NUDCD2: variants seen among roughly 807,000 people sequenced by gnomAD.
NUDCD2 encodes the protein NudC domain containing 2.
A neutral mutation model predicts 20.8 loss-of-function variants in NUDCD2; 16 were observed. That is an observed-to-expected ratio of 0.77 (90% CI 0.52 to 1.17). The LOEUF (loss-of-function observed/expected upper bound fraction) is 1.17. Among genes scored for constraint, NUDCD2 ranks in the 50% most tolerant of loss-of-function variants. NUDCD2 has a pLI of 0.00. For missense variants in NUDCD2, 199 were observed against 193.9 expected, an observed-to-expected ratio of 1.03 and a Z score of -0.16; for synonymous variants, 87 against 72.8, an observed-to-expected ratio of 1.20 and a Z score of -1.00.
intron 3 of NUDCD2, among the ~76,000 whole-genome samples, chr5:163,455,683 G>C (rs1032757552): frequency 6.6e-6 from 1 of 150,962 alleles, no homozygotes; most frequent in Non-Finnish European, 1.5e-5. Flanking sequence ...AGACTGGCGG[G>C]AATCCGGGAG....
rs1255220104 is a variant in NUDCD2 at position 163,452,145 on chromosome 5, A to T, written c.*1822T>A. 1 of 152,110 alleles carries T rather than the reference A, an allele frequency of 6.6e-6. No individual in the cohort carries two copies. The highest frequency in any genetic ancestry group is 2.4e-5 in the African/African-American group (1 of 41,402). 9.4% of individuals were successfully genotyped at this position (152,110 alleles called of 1,614,324 possible). ...TAAATGTGGAGAAGGAAAAAATGAA[A>T]ATGAAGCCCATGGGATCAGAATTTA... On this transcript the variant is annotated 3_prime_UTR_variant, in exon 4 of 4. Transcript: ENST00000302764.
At chr5:163,459,706 C>CG (rs1022982054) in intron 1 of NUDCD2, 156 bp downstream of exon 1, 12 of 539,980 alleles carry the variant, frequency 2.2e-5, no homozygotes, top group Non-Finnish European at 3.5e-5. Flanking sequence ...CCTGAAGAGG[C>CG]GGGGGCTCTG....
Position 163,447,937 on chromosome 5 carries a change from C to T in NUDCD2, c.*6030G>A, listed in dbSNP as rs553346657. 2 of 150,414 alleles carry T rather than the reference C, an allele frequency of 1.3e-5. No homozygotes were observed. Among genetic ancestry groups the T allele is most frequent in the African/African-American group, 5.0e-5 (2 of 39,966 alleles). The allele number at this position is 150,414 out of a possible 1,614,324, so 9.3% of individuals were successfully genotyped here. On this transcript the variant is annotated 3_prime_UTR_variant, in exon 4 of 4. Transcript: ENST00000302764. ...TGCTGGTGCTGCAATTTATAACAAT[C>T]GACTGCTTTTTACTAAACAAGAAAA...
chr5:163,455,367 G>A (rs1429920799), intron 3 of NUDCD2, among the ~76,000 whole-genome samples: 1 of 152,214 alleles, frequency 6.6e-6, no homozygotes, highest in Non-Finnish European at 1.5e-5. Context: ...AGCTGTAAGG[G>A]AGGAGGTAAT....
At chr5:163,457,125 T>G in intron 2 of NUDCD2, 45 bp from the exon 3 acceptor site, 1 of 1,521,570 alleles carries the variant, frequency 6.6e-7, no homozygotes, top group East Asian at 2.3e-5. Context: ...TAAATTAGAG[T>G]TCTTCATCAA....
chr5:163,453,523 T>C lies in NUDCD2; in HGVS notation c.*444A>G, dbSNP rs1421070381. 6.5e-6 allele frequency: 1 copy of C among 152,696 alleles called. No individual in the cohort carries two copies. Among genetic ancestry groups the C allele is most frequent in the Admixed American group, 6.5e-5 (1 of 15,280 alleles). 9.5% of individuals were successfully genotyped at this position (152,696 alleles called of 1,614,324 possible). A position where few individuals can be genotyped will look rare whatever the true frequency, so the allele number is the denominator to read the frequency against. On this transcript the variant is annotated 3_prime_UTR_variant, in exon 4 of 4. Transcript: ENST00000302764. ...GACTTTTTCCTTTATTAAAATTGTT[T>C]TCAGCACTATAATTTTGTGTGAATT...
At chr5:163,455,529 C>T (rs1264763015) in intron 3 of NUDCD2, among the ~76,000 whole-genome samples, 1 of 152,052 alleles carries the variant, frequency 6.6e-6, no homozygotes, top group Non-Finnish European at 1.5e-5. Context: ...TTTGGGAGGC[C>T]AAGGCGGGCG....
In NUDCD2 at chr5:163,457,546, T is replaced by G; in HGVS notation, c.238+16A>C. 1 of 1,414,224 alleles carries G rather than the reference T, an allele frequency of 7.1e-7. No homozygotes were observed. Among genetic ancestry groups the G allele is most frequent in the African/African-American group, 1.4e-5 (1 of 70,580 alleles). 87.6% of individuals were successfully genotyped at this position (1,414,224 alleles called of 1,614,324 possible). A position where few individuals can be genotyped will look rare whatever the true frequency, so the allele number is the denominator to read the frequency against. ...AAAATTATTTTAATTTGATGAATTA[T>G]AGTAATTACCCTTACCCAAAGTCCA... On this transcript the variant is annotated intron_variant, in intron 2 of 3. Coordinates refer to ENST00000302764, the MANE Select transcript of NUDCD2 (RefSeq NM_145266.6).
In NUDCD2 at chr5:163,448,764, T is replaced by C. The variant is rs919090209; in HGVS notation, c.*5203A>G. On this transcript the variant is annotated 3_prime_UTR_variant, in exon 4 of 4. Transcript: ENST00000302764. ...AAATCTAGATACATAAGCTGAATAA[T>C]GTACCATGACCAAGTTTGGGGTTGG... is the stretch of plus-strand genomic sequence containing the variant. 1.1e-4 allele frequency: 17 copies of C among 152,142 alleles called. No homozygotes were observed. The highest frequency in any genetic ancestry group is 3.9e-4 in the African/African-American group (16 of 41,436). The allele number at this position is 152,142 out of a possible 1,614,324, so 9.4% of individuals were successfully genotyped here.
At chr5:163,456,780 A>C in intron 3 of NUDCD2, 149 bp downstream of exon 3, 3 of 619,276 alleles carry the variant, frequency 4.8e-6, no homozygotes, top group Non-Finnish European at 7.7e-6. Context: ...CCATACAAGA[A>C]AGGCCATTTT....
intron 3 of NUDCD2, among the ~76,000 whole-genome samples, chr5:163,454,369 T>C (rs1758250019): frequency 6.6e-6 from 1 of 152,128 alleles, no homozygotes; most frequent in Admixed American, 6.6e-5. Context: ...GAGACGGAGT[T>C]TCGCTCTTGT....
intron 3 of NUDCD2, 79 bp downstream of exon 3, chr5:163,456,850 T>C: frequency 9.7e-7 from 1 of 1,033,656 alleles, no homozygotes; most frequent in East Asian, 3.1e-5. Context: ...ATAATGACAT[T>C]TGAGTTTTAA....
At chr5:163,454,395 G>A (rs1758250560) in intron 3 of NUDCD2, among the ~76,000 whole-genome samples, 1 of 152,110 alleles carries the variant, frequency 6.6e-6, no homozygotes, top group African/African-American at 2.4e-5. Flanking sequence ...AGGCGGGAGT[G>A]CAATGGTGCG....
chr5:163,455,340 G>C (rs1003049068), intron 3 of NUDCD2, among the ~76,000 whole-genome samples: 4 of 152,322 alleles, frequency 2.6e-5, no homozygotes, highest in Middle Eastern at 3.4e-3. Context: ...GGCAAAAGCA[G>C]AATCACTAAG....
intron 2 of NUDCD2, 112 bp downstream of exon 2, chr5:163,457,450 T>G (rs1344680423): frequency 9.7e-6 from 7 of 722,770 alleles, no homozygotes; most frequent in Non-Finnish European, 1.4e-5. Context: ...TCAACACATT[T>G]CTATTGCTTT....
rs1029748183 is a variant in NUDCD2 at position 163,457,658 on chromosome 5, A to G, written c.190-48T>C. 8 of 1,220,072 alleles carry G rather than the reference A, an allele frequency of 6.6e-6. No individual in the cohort carries two copies. In the Admixed American group the frequency reaches 1.3e-4, roughly 19 times the overall value. The allele number at this position is 1,220,072 out of a possible 1,614,324, so 75.6% of individuals were successfully genotyped here. On this transcript the variant is annotated intron_variant, in intron 1 of 3. Coordinates refer to ENST00000302764, the MANE Select transcript of NUDCD2 (RefSeq NM_145266.6). ...GCTAAAAATACAGAATTTAATTTTT[A>G]TAAAGTTTTCATGATTAAGATTTAC... is the stretch of plus-strand genomic sequence containing the variant.
In NUDCD2 at chr5:163,457,093, C is replaced by T. The variant is rs201931869; in HGVS notation, c.239-13G>A. ...ATTTTTCTGTCCTCTAAAAAAAAAA[C>T]ACACACACACACACGCACAAATAAA... On this transcript the variant is annotated splice_polypyrimidine_tract_variant and intron_variant, in intron 2 of 3. Coordinates refer to ENST00000302764, the MANE Select transcript of NUDCD2 (RefSeq NM_145266.6). 4.8e-5 allele frequency: 57 copies of T among 1,175,416 alleles called. No individual in the cohort carries two copies. The African/African-American group carries it at 6.5e-4, about 13-fold the overall frequency. 72.8% of individuals were successfully genotyped at this position (1,175,416 alleles called of 1,614,324 possible).
chr5:163,457,001 A>C lies in NUDCD2; in HGVS notation c.318T>G (p.Ser106=). Residue 106 remains serine, a synonymous_variant, in exon 3 of 4, where the codon TCT becomes TCG. Transcript: ENST00000302764. ...AANCWTSLLE[S]EYAADPWVQD... is the part of the protein sequence containing the mutation. Reference sequence around the variant, plus strand: ...GCACCCAAGGATCCGCTGCATATTCAGATTCTAGTAGAGAAGTCCAACAAT... The same window carrying C: ...GCACCCAAGGATCCGCTGCATATTCCGATTCTAGTAGAGAAGTCCAACAAT... The C allele has an allele frequency of 1.2e-6, 2 of 1,613,576 alleles. No individual in the cohort carries two copies. The highest frequency in any genetic ancestry group is 1.7e-6 in the Non-Finnish European group (2 of 1,179,706).
Position 163,453,859 on chromosome 5 carries a change from C to A in NUDCD2, c.*108G>T. 2.0e-6 allele frequency: 1 copy of A among 491,428 alleles called. No individual in the cohort carries two copies. 30.4% of individuals were successfully genotyped at this position (491,428 alleles called of 1,614,324 possible). The stretch of plus-strand genomic sequence containing the variant: ...TAGAACCATTTTAAGATACATTTTG[C>A]AATCTGTTAACTGTAGGCATCCGCA... On this transcript the variant is annotated 3_prime_UTR_variant, in exon 4 of 4. Transcript: ENST00000302764.
Sources: allele counts gnomAD v4.1 joint callset (sites outside exome capture counted in the v4.1 genomes callset), GRCh38; gene constraint gnomAD v4.1.1; transcripts MANE v1.5; gene names NCBI Gene and HGNC (gene_info 2026-07-23, HGNC 2026-07-21).